The following ELMO1 variants were observed in gnomAD, a reference collection of about 807,000 sequenced individuals.
ELMO1 encodes the protein engulfment and cell motility 1.
Under a neutral mutation model 98.9 loss-of-function variants are expected in ELMO1, and 26 were observed. The observed-to-expected ratio is 0.26, with a 90% CI of 0.19 to 0.36. ELMO1 has a LOEUF of 0.36. Ranked by LOEUF, ELMO1 falls within the 10% of genes least tolerant of loss-of-function variation. The pLI is 1.00. For synonymous variants in ELMO1, 346 were observed against 346.0 expected (o/e 1.00, Z 0.00); for missense variants, 627 against 935.2 (o/e 0.67, Z 4.30).
intron 16 of ELMO1, among the ~76,000 whole-genome samples, chr7:36,962,153 G>A (rs1789002895): frequency 6.6e-6 from 1 of 152,192 alleles, no homozygotes; most frequent in Non-Finnish European, 1.5e-5. Context: ...ACCTAGTGTT[G>A]GTTCCAAGCA....
At chr7:37,346,272 G>A (rs1477346365) in intron 1 of ELMO1, among the ~76,000 whole-genome samples, 3 of 152,180 alleles carry the variant, frequency 2.0e-5, no homozygotes, top group Non-Finnish European at 4.4e-5. Context: ...TATTCAGAGT[G>A]TAAATCAGCA....
intron 1 of ELMO1, among the ~76,000 whole-genome samples, chr7:37,432,741 G>A (rs905024072): frequency 6.6e-6 from 1 of 152,248 alleles, no homozygotes; most frequent in African/African-American, 2.4e-5. Context: ...CACAGGCACT[G>A]GGGAGGGAGG....
Position 37,234,316 on chromosome 7 carries a change from A to G in ELMO1, c.450-1122T>C, listed in dbSNP as rs17170953. Among the ~76,000 whole-genome samples the G allele has an allele frequency of 3.2e-3, 492 of 152,306 alleles. 6 individuals carry two copies. The highest frequency in any genetic ancestry group is 0.011 in the African/African-American group (471 of 41,560). On this transcript the variant is annotated intron_variant, in intron 7 of 21. Coordinates refer to ENST00000310758, the MANE Select transcript of ELMO1 (RefSeq NM_014800.11). ...TAACATATTTAGATTGAACCTTCCA[A>G]CTAGTTTTATTTCCAACTAGTAGAA...
intron 6 of ELMO1, among the ~76,000 whole-genome samples, chr7:37,246,402 A>G (rs1459746132): frequency 3.9e-5 from 6 of 152,172 alleles, no homozygotes; most frequent in Admixed American, 3.9e-4. Context: ...CTGCTAAGGT[A>G]GGGAGAAAGT....
chr7:37,416,731 T>C (rs1804232045), intron 1 of ELMO1, among the ~76,000 whole-genome samples: 1 of 152,228 alleles, frequency 6.6e-6, no homozygotes. Flanking sequence ...AAAGTATCTC[T>C]AGTTAGTTCA....
intron 7 of ELMO1, among the ~76,000 whole-genome samples, chr7:37,233,914 A>T (rs1330040208): frequency 1.3e-5 from 2 of 152,216 alleles, no homozygotes; most frequent in African/African-American, 2.4e-5. Flanking sequence ...TCAGTAGGCT[A>T]TAAGGTGGGT....
Position 37,219,060 on chromosome 7 carries a change from TC to T in ELMO1, c.781-2366del, listed in dbSNP as rs562988203. On this transcript the variant is annotated intron_variant, in intron 10 of 21. Coordinates refer to ENST00000310758, the MANE Select transcript of ELMO1 (RefSeq NM_014800.11). The stretch of plus-strand genomic sequence containing the variant: ...ATTTGCCCGCCTAACAGCAACCTCC[TC>T]CCCGACAAAACTAGCCCAGCCCTTC... Among the ~76,000 whole-genome samples the T allele has an allele frequency of 3.5e-3, 531 of 152,274 alleles. 3 individuals carry two copies. The highest frequency in any genetic ancestry group is 0.012 in the African/African-American group (516 of 41,556).
chr7:36,948,359 A>C (rs1376380212), intron 16 of ELMO1, among the ~76,000 whole-genome samples: 1 of 152,200 alleles, frequency 6.6e-6, no homozygotes, highest in Non-Finnish European at 1.5e-5. Context: ...CAAAGTCCGG[A>C]GTAAGGAGAA....
At position 37,191,913 on chromosome 7, in the gene ELMO1, T is replaced by TCACA. The variant is rs36026384; in HGVS notation, c.1086+19469_1086+19472dup. On this transcript the variant is annotated intron_variant, in intron 13 of 21. Coordinates refer to ENST00000310758, the MANE Select transcript of ELMO1 (RefSeq NM_014800.11). Reference sequence around the variant, plus strand: ...GCCTGGGCGAAAGAGGAAGACTCCATCACACACACACACACAAAATGTTAT... The same window carrying TCACA: ...GCCTGGGCGAAAGAGGAAGACTCCATCACACACACACACACACACAAAATGTTAT... Among the ~76,000 whole-genome samples the TCACA allele has an allele frequency of 2.8e-4, 43 of 151,314 alleles. 1 individual carries two copies. The highest frequency in any genetic ancestry group is 6.3e-4 in the South Asian group (3 of 4,788).
At chr7:37,387,913 C>A (rs1562658582) in intron 1 of ELMO1, among the ~76,000 whole-genome samples, 1 of 152,166 alleles carries the variant, frequency 6.6e-6, no homozygotes, top group South Asian at 2.1e-4. Context: ...CACACTGCAG[C>A]CTTGACCCCC....
At chr7:37,184,989 T>C (rs1387464524) in intron 13 of ELMO1, among the ~76,000 whole-genome samples, 4 of 152,220 alleles carry the variant, frequency 2.6e-5, no homozygotes, top group Non-Finnish European at 5.9e-5. Context: ...ATCTATGAAA[T>C]AGGAAGTCAT....
intron 13 of ELMO1, among the ~76,000 whole-genome samples, chr7:37,165,851 T>C (rs913688949): frequency 2.4e-4 from 37 of 152,322 alleles, no homozygotes; most frequent in African/African-American, 7.2e-4. Context: ...GCTGGCCTCA[T>C]AAAATGAGTT....
At position 37,124,311 on chromosome 7, in the gene ELMO1, A is replaced by T. The variant is rs112378597; in HGVS notation, c.1191+8819T>A. On this transcript the variant is annotated intron_variant, in intron 14 of 21. Transcript: ENST00000310758. ...GCAATCAGGCAGGAGAAAGAAATAAAGGGTATTCAATTAGGAAAAGAGGAA... is the reference window on the plus strand; with the variant it reads ...GCAATCAGGCAGGAGAAAGAAATAATGGGTATTCAATTAGGAAAAGAGGAA... 6.9e-3 allele frequency among the ~76,000 whole-genome samples: 1,052 copies of T among 152,324 alleles called. 12 individuals are homozygous for T. Among genetic ancestry groups the T allele is most frequent in the African/African-American group, 0.024 (998 of 41,570 alleles).
intron 1 of ELMO1, among the ~76,000 whole-genome samples, chr7:37,419,119 A>G (rs931525184): frequency 1.3e-5 from 2 of 152,198 alleles, no homozygotes; most frequent in African/African-American, 4.8e-5. Context: ...CTCTGACCCA[A>G]TGTGGACTTC....
At chr7:37,186,956 T>C (rs1469377225) in intron 13 of ELMO1, among the ~76,000 whole-genome samples, 2 of 152,158 alleles carry the variant, frequency 1.3e-5, no homozygotes, top group Admixed American at 6.6e-5. Context: ...TGCTTTTAAG[T>C]ACAGAACAAA....
chr7:37,239,594 C>T (rs949814956), intron 7 of ELMO1, among the ~76,000 whole-genome samples: 11 of 152,078 alleles, frequency 7.2e-5, no homozygotes, highest in African/African-American at 2.4e-4. Context: ...AGATTGAGTA[C>T]GAGTTTGGGC....
At chr7:37,364,574 G>A (rs1274873710) in intron 1 of ELMO1, among the ~76,000 whole-genome samples, 2 of 132,764 alleles carry the variant, frequency 1.5e-5, no homozygotes, top group African/African-American at 2.8e-5. Flanking sequence ...ATGCTTTAAT[G>A]CTGGCTTAAT....
At chr7:37,277,144 A>C (rs1025966976) in intron 4 of ELMO1, among the ~76,000 whole-genome samples, 3 of 152,260 alleles carry the variant, frequency 2.0e-5, no homozygotes, top group Non-Finnish European at 2.9e-5. Flanking sequence ...TGAGGCACCA[A>C]GGCAGATACA....
intron 16 of ELMO1, among the ~76,000 whole-genome samples, chr7:36,933,888 C>T (rs1786270252): frequency 6.6e-6 from 1 of 152,166 alleles, no homozygotes; most frequent in Admixed American, 6.5e-5. Flanking sequence ...TCAAGTTGCC[C>T]GTCCCATCTG....
Sources: allele counts gnomAD v4.1 joint callset (sites outside exome capture counted in the v4.1 genomes callset), GRCh38; gene constraint gnomAD v4.1.1; transcripts MANE v1.5; gene names NCBI Gene and HGNC (gene_info 2026-07-23, HGNC 2026-07-21).